Variants in SULF1 observed in about 807,000 individuals in gnomAD.
SULF1 encodes sulfatase 1.
SULF1 carries 46 observed loss-of-function variants against 110.5 expected under a neutral mutation model. The observed-to-expected ratio is 0.42, with a 90% CI of 0.33 to 0.53. SULF1 has a LOEUF of 0.53. Among genes scored for constraint, SULF1 ranks in the 20% least tolerant of loss-of-function variants. The probability of loss-of-function intolerance (pLI) is 0.12; values close to 1 mark genes in which losing one functional copy is unlikely to be tolerated. For synonymous variants in SULF1, 371 were observed against 387.1 expected (o/e 0.96, Z 0.49); for missense variants, 941 against 1,094.2 (o/e 0.86, Z 1.98).
At position 69,636,516 on chromosome 8, in the gene SULF1, G is replaced by A. The variant is rs1043896939; in HGVS notation, c.2285-1986G>A. On this transcript the variant is annotated intron_variant, in intron 19 of 22. Coordinates refer to ENST00000402687, the MANE Select transcript of SULF1 (RefSeq NM_001128205.2). ...CGCTCCACTGCACTCCAGCCTGGGC[G>A]ACAGAGCGATACTCCATCTCAAGAA... is the stretch of plus-strand genomic sequence containing the variant. Among the ~76,000 whole-genome samples the A allele has an allele frequency of 7.3e-5, 11 of 151,242 alleles. No individual in the cohort carries two copies. The East Asian group carries it at 1.4e-3, about 19-fold the overall frequency.
chr8:69,557,795 G>A (rs1299634996), intron 3 of SULF1, among the ~76,000 whole-genome samples: 1 of 152,220 alleles, frequency 6.6e-6, no homozygotes, highest in Non-Finnish European at 1.5e-5. Flanking sequence ...TCACAGTGTT[G>A]TGTGGCAGGA....
intron 1 of SULF1, among the ~76,000 whole-genome samples, chr8:69,472,926 T>C (rs1563453228): frequency 6.6e-6 from 1 of 152,196 alleles, no homozygotes; most frequent in African/African-American, 2.4e-5. Flanking sequence ...AGCCTCCGTC[T>C]TCTGGGCTCA....
At chr8:69,558,119 C>A (rs10504454) in intron 3 of SULF1, among the ~76,000 whole-genome samples, 4 of 152,080 alleles carry the variant, frequency 2.6e-5, no homozygotes, top group African/African-American at 9.6e-5. Flanking sequence ...CATCCTGAAG[C>A]CTTACTCTAA....
chr8:69,568,706 C>T (rs920919906), intron 5 of SULF1, among the ~76,000 whole-genome samples: 3 of 152,114 alleles, frequency 2.0e-5, no homozygotes, highest in African/African-American at 4.8e-5. Context: ...CCCGTAAGTA[C>T]TTCAGAGTTT....
intron 8 of SULF1, among the ~76,000 whole-genome samples, chr8:69,598,769 C>T (rs564198288): frequency 1.3e-5 from 2 of 152,302 alleles, no homozygotes; most frequent in African/African-American, 4.8e-5. Flanking sequence ...CTTTTCCACA[C>T]TCTAAATCTT....
intron 1 of SULF1, among the ~76,000 whole-genome samples, chr8:69,474,848 TAATAA>T (rs1392812389): frequency 2.0e-5 from 3 of 152,250 alleles, no homozygotes; most frequent in Admixed American, 1.3e-4. Context: ...TTAGATGAGA[TAATAA>T]AATAAGATGC....
At chr8:69,501,092 G>C (rs1267108130) in intron 2 of SULF1, among the ~76,000 whole-genome samples, 1 of 152,184 alleles carries the variant, frequency 6.6e-6, no homozygotes, top group East Asian at 1.9e-4. Flanking sequence ...CAGTGGAAAA[G>C]TATGAAGACT....
intron 3 of SULF1, among the ~76,000 whole-genome samples, chr8:69,532,789 C>G (rs1358299131): frequency 6.6e-6 from 1 of 152,146 alleles, no homozygotes; most frequent in Non-Finnish European, 1.5e-5. Context: ...ACTGGAACTC[C>G]ACATTCATTG....
chr8:69,650,298 G>A (rs1269048036), intron 22 of SULF1, among the ~76,000 whole-genome samples: 3 of 151,908 alleles, frequency 2.0e-5, no homozygotes, highest in Non-Finnish European at 4.4e-5. Flanking sequence ...CATCGTGCCT[G>A]GCTCCTCCTG....
Position 69,577,208 on chromosome 8 carries a change from C to A in SULF1, c.412+999C>A, listed in dbSNP as rs143022019. ...TATGCGTAGGAAAGAAACTAGGTTACGTAGAGGTTACAGAGAGTGCCTTAT... is the reference window on the plus strand; with the variant it reads ...TATGCGTAGGAAAGAAACTAGGTTAAGTAGAGGTTACAGAGAGTGCCTTAT... On this transcript the variant is annotated intron_variant, in intron 6 of 22. Coordinates refer to ENST00000402687, the MANE Select transcript of SULF1 (RefSeq NM_001128205.2). Among the ~76,000 whole-genome samples, 107 of 152,308 alleles carry A rather than the reference C, an allele frequency of 7.0e-4. 2 individuals are homozygous for A. The highest frequency in any genetic ancestry group is 5.3e-3 in the Admixed American group (81 of 15,306).
At chr8:69,487,759 G>C (rs924747129) in intron 1 of SULF1, among the ~76,000 whole-genome samples, 2 of 152,190 alleles carry the variant, frequency 1.3e-5, no homozygotes, top group South Asian at 2.1e-4. Context: ...ATTTCATAAA[G>C]TTTCTCTCAT....
chr8:69,582,602 C>T (rs532796783), intron 6 of SULF1, among the ~76,000 whole-genome samples: 1 of 151,660 alleles, frequency 6.6e-6, no homozygotes, highest in South Asian at 2.1e-4. Flanking sequence ...GATGGATACC[C>T]TAGCAAGTAG....
intron 22 of SULF1, among the ~76,000 whole-genome samples, chr8:69,650,080 T>C (rs900775823): frequency 7.4e-6 from 1 of 134,480 alleles, no homozygotes; most frequent in Non-Finnish European, 1.5e-5. Flanking sequence ...ACTGCAGGCT[T>C]GACCCCCCAG....
chr8:69,635,651 C>T (rs1471501553), intron 19 of SULF1, among the ~76,000 whole-genome samples: 13 of 152,226 alleles, frequency 8.5e-5, no homozygotes, highest in Admixed American at 6.5e-4. Flanking sequence ...GCAGGCAGAT[C>T]GCTTGAGTGT....
intron 3 of SULF1, among the ~76,000 whole-genome samples, chr8:69,509,248 C>T (rs1195370431): frequency 6.6e-6 from 1 of 152,122 alleles, no homozygotes; most frequent in Non-Finnish European, 1.5e-5. Flanking sequence ...TCTCATTATC[C>T]TTTTAGTTTT....
chr8:69,470,325 T>G (rs1342832333), intron 1 of SULF1, among the ~76,000 whole-genome samples: 1 of 152,166 alleles, frequency 6.6e-6, no homozygotes, highest in African/African-American at 2.4e-5. Flanking sequence ...ATGTGGTAAA[T>G]TCAGCTTTTA....
At chr8:69,531,772 C>T (rs186206274) in intron 3 of SULF1, among the ~76,000 whole-genome samples, 1 of 152,164 alleles carries the variant, frequency 6.6e-6, no homozygotes, top group Non-Finnish European at 1.5e-5. Context: ...ATAATCGATG[C>T]TGCTTCTTTG....
chr8:69,528,678 G>T (rs772634098), intron 3 of SULF1, among the ~76,000 whole-genome samples: 1 of 152,260 alleles, frequency 6.6e-6, no homozygotes, highest in Non-Finnish European at 1.5e-5. Context: ...TTTAGCTTGG[G>T]GAATGAAATA....
intron 13 of SULF1, among the ~76,000 whole-genome samples, chr8:69,608,972 G>A (rs899735867): frequency 2.0e-5 from 3 of 152,138 alleles, no homozygotes; most frequent in East Asian, 1.9e-4. Flanking sequence ...GGCAAATCTC[G>A]ACCTCTTTCT....
Sources: allele counts gnomAD v4.1 joint callset (sites outside exome capture counted in the v4.1 genomes callset), GRCh38; gene constraint gnomAD v4.1.1; transcripts MANE v1.5; gene names NCBI Gene and HGNC (gene_info 2026-07-23, HGNC 2026-07-21).